Variants in APAF1 observed in about 807,000 individuals in gnomAD.
APAF1 encodes apoptotic protease-activating factor 1.
APAF1 carries 91 observed loss-of-function variants against 152.4 expected under a neutral mutation model. The observed-to-expected ratio is 0.60, with a 90% CI of 0.50 to 0.71. APAF1 has a LOEUF of 0.71. Among genes scored for constraint, APAF1 ranks in the 30% least tolerant of loss-of-function variants. The pLI is 0.00. For synonymous variants in APAF1, 484 were observed against 494.1 expected (o/e 0.98, Z 0.27); for missense variants, 1,283 against 1,472.0 (o/e 0.87, Z 2.10).
chr12:98,655,253 T>C (rs1216104563), intron 4 of APAF1, among the ~76,000 whole-genome samples: 8 of 148,520 alleles, frequency 5.4e-5, no homozygotes, highest in African/African-American at 7.5e-5. Context: ...ACGGCAACCA[T>C]CCGATTTCTC....
At position 98,664,417 on chromosome 12, in the gene APAF1, T is replaced by TA. The variant is rs1198355980; in HGVS notation, c.956-1126dup. On this transcript the variant is annotated intron_variant, in intron 7 of 26. Coordinates refer to ENST00000551964, the MANE Select transcript of APAF1 (RefSeq NM_181861.2). Reference sequence around the variant, plus strand: ...TGTCCATTTTGAAAATGTGTGAAACTAAAAAAAAAATAGAAATTATCCATA... The same window carrying TA: ...TGTCCATTTTGAAAATGTGTGAAACTAAAAAAAAAAATAGAAATTATCCATA... 4.0e-5 allele frequency among the ~76,000 whole-genome samples: 6 copies of TA among 148,948 alleles called. No individual in the cohort carries two copies. In the South Asian group the frequency reaches 8.5e-4, roughly 21 times the overall value.
Position 98,666,377 on chromosome 12 carries a change from C to CTT in APAF1, c.1362+29_1362+30dup. The CTT allele has an allele frequency of 5.3e-6, 8 of 1,504,918 alleles. No individual in the cohort carries two copies. The highest frequency in any genetic ancestry group is 1.8e-5 in the Admixed American group (1 of 54,918). 93.2% of individuals were successfully genotyped at this position (1,504,918 alleles called of 1,614,324 possible). The stretch of plus-strand genomic sequence containing the variant: ...CTTCAGGTACTTGCATCTTGGTTTA[C>CTT]TTTTTTTTTTCCTTTTTCCTTTGAA... On this transcript the variant is annotated intron_variant, in intron 9 of 26. Transcript: ENST00000551964.
intron 16 of APAF1, among the ~76,000 whole-genome samples, chr12:98,687,906 G>A (rs2097699688): frequency 6.6e-6 from 1 of 151,958 alleles, no homozygotes; most frequent in South Asian, 2.1e-4. Flanking sequence ...CTGCCTCCTG[G>A]GTTCAAGCGA....
chr12:98,689,782 T>A (rs2097702276), intron 16 of APAF1, among the ~76,000 whole-genome samples: 1 of 152,126 alleles, frequency 6.6e-6, no homozygotes, highest in African/African-American at 2.4e-5. Flanking sequence ...CAGAAAGTGT[T>A]CTCTTACAGC....
intron 4 of APAF1, among the ~76,000 whole-genome samples, chr12:98,654,443 A>G (rs2097653745): frequency 6.6e-6 from 1 of 152,168 alleles, no homozygotes; most frequent in Admixed American, 6.6e-5. Context: ...ATTTTGAGAC[A>G]GAGCCCCATT....
intron 21 of APAF1, 66 bp downstream of exon 21, chr12:98,712,501 A>G (rs549560408): frequency 3.8e-4 from 355 of 925,752 alleles, no homozygotes; most frequent in Admixed American, 6.8e-4. Context: ...TATGTCTGGC[A>G]TTGTGCACTT....
chr12:98,659,755 A>AG (rs1173377867), intron 5 of APAF1, among the ~76,000 whole-genome samples: 1 of 149,642 alleles, frequency 6.7e-6, no homozygotes, highest in Non-Finnish European at 1.5e-5. Flanking sequence ...TCCATCAGAA[A>AG]AAAAAAAAAA....
intron 16 of APAF1, among the ~76,000 whole-genome samples, chr12:98,693,065 TA>T (rs112776504): frequency 1.4e-3 from 201 of 144,246 alleles, no homozygotes; most frequent in Middle Eastern, 7.2e-3. Flanking sequence ...ATTTTTTGAC[TA>T]AAAAAAAAAA....
rs886336199 is a variant in APAF1 at position 98,701,183 on chromosome 12, CTG to C, written c.2466+1615_2466+1616del. On this transcript the variant is annotated intron_variant, in intron 17 of 26. Coordinates refer to ENST00000551964, the MANE Select transcript of APAF1 (RefSeq NM_181861.2). ...TGGGCTTAATTATTTAAGAGAATAA[CTG>C]AGTGATTTGTGTGATCTGTGAAAAG... Among the ~76,000 whole-genome samples, 4 of 152,228 alleles carry C rather than the reference CTG, an allele frequency of 2.6e-5. No homozygotes were observed. In the East Asian group the frequency reaches 5.8e-4, roughly 22 times the overall value.
Position 98,662,691 on chromosome 12 carries a change from C to G in APAF1, c.840C>G (p.Val280=). 3 of 1,613,148 alleles carry G rather than the reference C, an allele frequency of 1.9e-6. No individual in the cohort carries two copies. The highest frequency in any genetic ancestry group is 2.5e-6 in the Non-Finnish European group (3 of 1,179,670). Reference sequence around the variant, plus strand: ...TGTTTGCAGGTCCTAAATATGTAGTCCCTGTGGAGAGTTCCTTAGGAAAGG... The same window carrying G: ...TGTTTGCAGGTCCTAAATATGTAGTGCCTGTGGAGAGTTCCTTAGGAAAGG... ...TDSVMGPKYV[V]PVESSLGKEK... is the part of the protein sequence containing the mutation. Residue 280 remains valine, a synonymous_variant, in exon 7 of 27, where the codon GTC becomes GTG. Transcript: ENST00000551964.
intron 17 of APAF1, among the ~76,000 whole-genome samples, chr12:98,702,156 C>T (rs2097716137): frequency 6.6e-6 from 1 of 152,076 alleles, no homozygotes; most frequent in African/African-American, 2.4e-5. Context: ...AGCTCCGCCT[C>T]CTGGGTTCAC....
At chr12:98,708,873 T>C (rs2097724739) in intron 20 of APAF1, among the ~76,000 whole-genome samples, 169 bp downstream of exon 20, 1 of 152,222 alleles carries the variant, frequency 6.6e-6, no homozygotes. Context: ...GGCTCAGATA[T>C]GCTTATATTT....
chr12:98,727,750 G>A (rs1040248802), intron 26 of APAF1, among the ~76,000 whole-genome samples: 2 of 152,070 alleles, frequency 1.3e-5, no homozygotes, highest in Non-Finnish European at 2.9e-5. Context: ...AGACCAGCCT[G>A]GCCAACATGG....
chr12:98,674,913 G>C (rs2097684926), intron 12 of APAF1, among the ~76,000 whole-genome samples: 1 of 152,146 alleles, frequency 6.6e-6, no homozygotes, highest in Non-Finnish European at 1.5e-5. Flanking sequence ...ATAAATTTAT[G>C]GAAGATTGAA....
chr12:98,680,248 TA>T, intron 13 of APAF1, 28 bp from the exon 14 acceptor site: 2 of 1,547,326 alleles, frequency 1.3e-6, no homozygotes, highest in Non-Finnish European at 1.7e-6. Context: ...CAGTTTATTA[TA>T]AAAAATATTT....
intron 15 of APAF1, among the ~76,000 whole-genome samples, chr12:98,685,886 C>A (rs1448736576): frequency 6.6e-6 from 1 of 152,192 alleles, no homozygotes; most frequent in African/African-American, 2.4e-5. Flanking sequence ...ATACGCCCAC[C>A]TCAGCCTCCC....
chr12:98,668,020 G>C (rs2097675548), intron 10 of APAF1, among the ~76,000 whole-genome samples: 1 of 152,046 alleles, frequency 6.6e-6, no homozygotes, highest in Non-Finnish European at 1.5e-5. Context: ...GTGAGCTCAA[G>C]TGATCCACTC....
intron 1 of APAF1, among the ~76,000 whole-genome samples, 183 bp from the exon 2 acceptor site, chr12:98,648,136 A>G (rs1055890152): frequency 6.6e-6 from 1 of 152,152 alleles, no homozygotes; most frequent in African/African-American, 2.4e-5. Flanking sequence ...AGTTTCCCCA[A>G]TTAGTGCATA....
chr12:98,724,017 T>C (rs1022276517), intron 24 of APAF1, among the ~76,000 whole-genome samples: 1 of 152,244 alleles, frequency 6.6e-6, no homozygotes, highest in Non-Finnish European at 1.5e-5. Flanking sequence ...CTACTGCATA[T>C]TGTAGGCAAT....
Sources: allele counts gnomAD v4.1 joint callset (sites outside exome capture counted in the v4.1 genomes callset), GRCh38; gene constraint gnomAD v4.1.1; transcripts MANE v1.5; gene names NCBI Gene and HGNC (gene_info 2026-07-23, HGNC 2026-07-21).